Variants in CHMP4A observed in about 807,000 individuals in gnomAD.
CHMP4A encodes the protein SNF7 homolog associated with Alix-2.
In CHMP4A, 29 loss-of-function variants were observed where a neutral mutation model predicts 28.2. That is an observed-to-expected ratio of 1.03 (90% confidence interval 0.77 to 1.40). The LOEUF (loss-of-function observed/expected upper bound fraction) is 1.40, where lower values mean the gene tolerates loss of function less well. Among genes scored for constraint, CHMP4A ranks in the 40% most tolerant of loss-of-function variants. CHMP4A has a pLI of 0.00. For missense variants in CHMP4A, 241 were observed against 263.5 expected, an observed-to-expected ratio of 0.91 and a Z score of 0.59; for synonymous variants, 88 against 99.3, an observed-to-expected ratio of 0.89 and a Z score of 0.67.
chr14:24,210,376 T>TA lies in CHMP4A; in HGVS notation c.581dup (p.Pro195ThrfsTer15), dbSNP rs1230346726. On this transcript the variant is annotated frameshift_variant, in exon 5 of 6. Transcript: ENST00000347519. LOFTEE classifies it high-confidence loss of function. ...GCCCTGCCGGCAGATGAGTAGAAGGTACACTAGGCAATTTGACTGAGGGTT... is the reference window on the plus strand; with the variant it reads ...GCCCTGCCGGCAGATGAGTAGAAGGTAACACTAGGCAATTTGACTGAGGGTT... 6.2e-7 allele frequency: 1 copy of TA among 1,613,826 alleles called. No individual in the cohort carries two copies. The highest frequency in any genetic ancestry group is 1.3e-5 in the African/African-American group (1 of 74,842).
At position 24,213,422 on chromosome 14, in the gene CHMP4A, C is replaced by G; in HGVS notation, c.18G>C (p.Arg6Ser). The change falls in exon 1 of 6, where the codon AGG becomes AGC. Residue 6 changes from arginine to serine, a missense_variant. By Grantham distance (110) the Arg-to-Ser change is moderately radical. Transcript: ENST00000347519. MSGLG[R>S]LFGKGKKEKG... Reference sequence around the variant, plus strand: ...ACCCTGGCTCACCCTTCCCGAAGAGCCTGCCGAGACCACTCATCGCGAGCT... The same window carrying G: ...ACCCTGGCTCACCCTTCCCGAAGAGGCTGCCGAGACCACTCATCGCGAGCT... 6.2e-7 allele frequency: 1 copy of G among 1,607,872 alleles called. No homozygotes were observed. The highest frequency in any genetic ancestry group is 1.3e-5 in the African/African-American group (1 of 74,874).
rs1303001385 is a variant in CHMP4A at position 24,210,498 on chromosome 14, CAA to C, written c.475-17_475-16del. ...AGCAGTTCATCCTGGATAGGGAAGACAAGACCACTTTAGATGAAGAAAAAAAC... is the reference window on the plus strand; with the variant it reads ...AGCAGTTCATCCTGGATAGGGAAGACGACCACTTTAGATGAAGAAAAAAAC... On this transcript the variant is annotated splice_polypyrimidine_tract_variant and intron_variant, in intron 4 of 5. Transcript: ENST00000347519. The C allele has an allele frequency of 1.2e-6, 2 of 1,610,892 alleles. No homozygotes were observed. The highest frequency in any genetic ancestry group is 8.5e-7 in the Non-Finnish European group (1 of 1,179,076).
intron 1 of CHMP4A, chr14:24,212,752 A>G (rs2138862227): frequency 5.9e-6 from 1 of 168,366 alleles, no homozygotes; most frequent in South Asian, 9.5e-5. Flanking sequence ...TTTTTAGTAG[A>G]GACAAGGTTT....
At position 24,210,759 on chromosome 14, in the gene CHMP4A, G is replaced by A; in HGVS notation, c.369C>T (p.Asp123=). 1 of 1,612,852 alleles carries A rather than the reference G, an allele frequency of 6.2e-7. No individual in the cohort carries two copies. The highest frequency in any genetic ancestry group is 8.5e-7 in the Non-Finnish European group (1 of 1,178,848). ...TGTCAGTCATCAGTTCATCTACCTT[G>A]TCAATGTCCCTGAGAATGAGATAGA... The part of the protein sequence containing the change: ...MKKAYQDMDI[D]KVDELMTDIT... The change falls in exon 4 of 6, where the codon GAC becomes GAT. Residue 123 remains aspartate (D), a synonymous_variant. Coordinates refer to ENST00000347519, the MANE Select transcript of CHMP4A (RefSeq NM_014169.5).
At chr14:24,210,873 G>T in intron 3 of CHMP4A, 105 bp from the exon 4 acceptor site, 1 of 798,148 alleles carries the variant, frequency 1.3e-6, no homozygotes. Flanking sequence ...ACACTGATAA[G>T]CCCATAACTA....
At position 24,210,720 on chromosome 14, in the gene CHMP4A, C is replaced by G. The variant is rs778393755; in HGVS notation, c.408G>C (p.Gln136His). The stretch of plus-strand genomic sequence containing the variant: ...CATCTGAGATCTGCTGGGCCACCTC[C>G]TGTTGTTCCGTGATGTCAGTCATCA... Reference protein sequence around the residue: ...DELMTDITEQQEVAQQISDAI... With the variant: ...DELMTDITEQHEVAQQISDAI... Residue 136 changes from glutamine (Q) to histidine (H), a missense_variant, in exon 4 of 6, where the codon CAG (glutamine) becomes CAC (histidine). Coordinates refer to ENST00000347519, the MANE Select transcript of CHMP4A (RefSeq NM_014169.5). 15 of 1,614,076 alleles carry G rather than the reference C, an allele frequency of 9.3e-6. No individual in the cohort carries two copies. Among genetic ancestry groups the G allele is most frequent in the Middle Eastern group, 1.6e-4 (1 of 6,084 alleles).
intron 1 of CHMP4A, among the ~76,000 whole-genome samples, chr14:24,212,346 C>T (rs533260134): frequency 2.0e-4 from 31 of 152,198 alleles, no homozygotes; most frequent in African/African-American, 6.0e-4. Flanking sequence ...CTGCCCGCCT[C>T]GGCCTCCCAA....
chr14:24,210,166 T>C (rs2039578636), intron 5 of CHMP4A, among the ~76,000 whole-genome samples, 182 bp downstream of exon 5: 1 of 152,012 alleles, frequency 6.6e-6, no homozygotes, highest in African/African-American at 2.4e-5. Context: ...TAAACCAGGG[T>C]ACACGGCTTG....
At chr14:24,209,966 AAGG>A in intron 5 of CHMP4A, 31 bp from the exon 6 acceptor site, 1 of 1,603,134 alleles carries the variant, frequency 6.2e-7, no homozygotes, top group Non-Finnish European at 8.5e-7. Flanking sequence ...AGAGAAAAGA[AAGG>A]AGAAGCAGTA....
At chr14:24,212,541 T>C (rs1440286589) in intron 1 of CHMP4A, 1 of 405,238 alleles carries the variant, frequency 2.5e-6, no homozygotes, top group South Asian at 1.9e-5. Context: ...GCACACACCA[T>C]CATGCCCACC....
intron 1 of CHMP4A, chr14:24,212,714 A>AC: frequency 1.1e-5 from 1 of 88,276 alleles, no homozygotes; most frequent in Non-Finnish European, 2.7e-5. Flanking sequence ...TGCCACCACA[A>AC]CCAGCTAATT....
chr14:24,209,696 C>T lies in CHMP4A; in HGVS notation c.*181G>A. The stretch of plus-strand genomic sequence containing the variant: ...GGGAGCCCAAGGGCTCCTTCTGTAG[C>T]AAGATCCTTCTTCAGAGTTGAGCCA... On this transcript the variant is annotated 3_prime_UTR_variant, in exon 6 of 6. Coordinates refer to ENST00000347519, the MANE Select transcript of CHMP4A (RefSeq NM_014169.5). 1.6e-6 allele frequency: 1 copy of T among 641,296 alleles called. No homozygotes were observed. Among genetic ancestry groups the T allele is most frequent in the South Asian group, 1.8e-5 (1 of 55,764 alleles). The allele number at this position is 641,296 out of a possible 1,614,324, so 39.7% of individuals were successfully genotyped here. A position where few individuals can be genotyped will look rare whatever the true frequency, so the allele number is the denominator to read the frequency against.
In CHMP4A at chr14:24,211,831, T is replaced by C. The variant is rs2039593756; in HGVS notation, c.32-2A>G. Reference sequence around the variant, plus strand: ...GGGTTGGCCCTTTCTCCTTCTTCCCTGAGGAGTCCAGTGGAGTAGGCCCAA... The same window carrying C: ...GGGTTGGCCCTTTCTCCTTCTTCCCCGAGGAGTCCAGTGGAGTAGGCCCAA... On this transcript the variant is annotated splice_acceptor_variant, in intron 1 of 5. Transcript: ENST00000347519. LOFTEE classifies it high-confidence loss of function. The C allele has an allele frequency of 3.7e-6, 6 of 1,609,660 alleles. No individual in the cohort carries two copies. The highest frequency in any genetic ancestry group is 5.1e-6 in the Non-Finnish European group (6 of 1,178,552).
intron 3 of CHMP4A, chr14:24,210,990 C>T (rs910321891): frequency 7.7e-6 from 4 of 521,300 alleles, no homozygotes; most frequent in African/African-American, 5.7e-5. Flanking sequence ...TCAAGACCAG[C>T]CTGGCCAAAA....
Position 24,213,487 on chromosome 14 carries a change from C to G in CHMP4A, c.-48G>C, listed in dbSNP as rs1375761890. 1.2e-5 allele frequency: 19 copies of G among 1,613,526 alleles called. No homozygotes were observed. Among genetic ancestry groups the G allele is most frequent in the Non-Finnish European group, 1.5e-5 (18 of 1,179,874 alleles). On this transcript the variant is annotated 5_prime_UTR_variant, in exon 1 of 6. Transcript: ENST00000347519. ...CCGCCCCTCAGCGTCCTCCAGACTTCCGCCTTGCTCCTGGGAGGGTGATGT... is the reference window on the plus strand; with the variant it reads ...CCGCCCCTCAGCGTCCTCCAGACTTGCGCCTTGCTCCTGGGAGGGTGATGT...
chr14:24,210,226 C>A, intron 5 of CHMP4A, 122 bp downstream of exon 5: 2 of 1,351,814 alleles, frequency 1.5e-6, no homozygotes, highest in South Asian at 2.7e-5. Flanking sequence ...CAACAACCTG[C>A]ACAACTGCAG....
Position 24,211,509 on chromosome 14 carries a change from G to A in CHMP4A, c.265C>T (p.Gln89Ter). The A allele has an allele frequency of 3.1e-6, 5 of 1,614,134 alleles. No individual in the cohort carries two copies. Among genetic ancestry groups the A allele is most frequent in the South Asian group, 1.1e-5 (1 of 91,076 alleles). Residue 89 changes from glutamine to a stop codon, truncating the protein, a stop_gained, in exon 3 of 6, where the codon CAG becomes TAG. Coordinates refer to ENST00000347519, the MANE Select transcript of CHMP4A (RefSeq NM_014169.5). LOFTEE classifies it high-confidence loss of function. ...TDGTLSTLEF[Q>*]REAIENATTN... is the part of the protein sequence containing the mutation. The stretch of plus-strand genomic sequence containing the variant: ...GTGGCATTCTCAATGGCCTCACGCT[G>A]AAACTCCAGGGTGGATAATGTCCCG...
chr14:24,210,661 A>G lies in CHMP4A; in HGVS notation c.467T>C (p.Val156Ala). 6.2e-7 allele frequency: 1 copy of G among 1,613,112 alleles called. No individual in the cohort carries two copies. Among genetic ancestry groups the G allele is most frequent in the Non-Finnish European group, 8.5e-7 (1 of 1,179,152 alleles). ...ISRPMGFGDD[V>A]DEDELLEELE... ...CCCTTCACCCCCAATCACCTCATCC[A>G]CATCATCTCCAAAGCCCATAGGCCG... is the stretch of plus-strand genomic sequence containing the variant. Residue 156 changes from valine (V) to alanine (A), a missense_variant, in exon 4 of 6, where the codon GTG becomes GCG. Val to Ala is a moderately conservative substitution (Grantham distance 64). Coordinates refer to ENST00000347519, the MANE Select transcript of CHMP4A (RefSeq NM_014169.5).
rs2138858470 is a variant in CHMP4A, at chr14:24,209,735, A to T, written c.*142T>A. Reference sequence around the variant, plus strand: ...AGAGTTGAGCCAGGGCTGGGAGGGTAAGAGACCCTTTTTTCAGGCAGGGTC... The same window carrying T: ...AGAGTTGAGCCAGGGCTGGGAGGGTTAGAGACCCTTTTTTCAGGCAGGGTC... On this transcript the variant is annotated 3_prime_UTR_variant, in exon 6 of 6. Coordinates refer to ENST00000347519, the MANE Select transcript of CHMP4A (RefSeq NM_014169.5). 1 of 763,342 alleles carries T rather than the reference A, an allele frequency of 1.3e-6. No homozygotes were observed. The highest frequency in any genetic ancestry group is 2.5e-5 in the East Asian group (1 of 40,044). 47.3% of individuals were successfully genotyped at this position (763,342 alleles called of 1,614,324 possible). A position where few individuals can be genotyped will look rare whatever the true frequency, so the allele number is the denominator to read the frequency against.
Sources: gnomAD v4.1 joint callset for allele counts (sites outside exome capture counted in the v4.1 genomes callset) on GRCh38, gnomAD v4.1.1 for gene constraint, MANE v1.5 for transcripts, NCBI Gene and HGNC (gene_info 2026-07-23, HGNC 2026-07-21) for gene names.